The following EPCIP variants were observed in gnomAD, a reference collection of about 807,000 sequenced individuals.
EPCIP encodes exosomal polycystin 1 interacting protein.
At chr21:32,809,140 A>G in the EPCIP span, among the ~76,000 whole-genome samples, 1 of 150,836 alleles carries the variant, frequency 6.6e-6, no homozygotes, top group Non-Finnish European at 1.5e-5. Context: ...CTGGGAAAGG[A>G]GAGGCATCAC....
the EPCIP span, chr21:32,797,063 A>G: frequency 2.1e-6 from 1 of 468,122 alleles, no homozygotes; most frequent in African/African-American, 2.0e-5. Context: ...TCCCGACAGT[A>G]AGGCCCTGGC....
chr21:32,802,528 A>G, the EPCIP span, among the ~76,000 whole-genome samples: 223 of 152,358 alleles, frequency 1.5e-3, 1 homozygote, highest in South Asian at 8.9e-3. Context: ...TAGTCAGGAC[A>G]GTGAATTCTA....
At chr21:32,793,890 C>T in the EPCIP span, 20 of 1,614,014 alleles carry the variant, frequency 1.2e-5, no homozygotes, top group Non-Finnish European at 1.5e-5. Context: ...AAGGCTGAGT[C>T]CCTGTTGAAA....
At chr21:32,804,168 A>G in the EPCIP span, among the ~76,000 whole-genome samples, 1 of 152,158 alleles carries the variant, frequency 6.6e-6, no homozygotes, top group Non-Finnish European at 1.5e-5. Context: ...ACTCACTAGT[A>G]TATAGTTGGA....
the EPCIP span, chr21:32,810,470 C>G: frequency 2.4e-6 from 1 of 409,956 alleles, no homozygotes; most frequent in African/African-American, 2.1e-5. Context: ...ACTGTGTTAG[C>G]TAGGATGGTC....
chr21:32,793,614 G>T, the EPCIP span: 1 of 743,202 alleles, frequency 1.3e-6, no homozygotes, highest in South Asian at 1.6e-5. Flanking sequence ...GCTGGTTATT[G>T]GTATGTGTGG....
the EPCIP span, among the ~76,000 whole-genome samples, chr21:32,791,924 G>A: frequency 2.7e-5 from 4 of 147,516 alleles, no homozygotes; most frequent in African/African-American, 5.0e-5. Context: ...TTTTTTTTGA[G>A]ATGGAGTTTT....
chr21:32,811,027 T>A, the EPCIP span, among the ~76,000 whole-genome samples: 1 of 152,220 alleles, frequency 6.6e-6, no homozygotes, highest in African/African-American at 2.4e-5. Context: ...TCACTAATAG[T>A]AAGATCTAAT....
the EPCIP span, among the ~76,000 whole-genome samples, chr21:32,793,023 G>A: frequency 2.0e-5 from 3 of 151,884 alleles, no homozygotes; most frequent in Non-Finnish European, 4.4e-5. Context: ...GCAGTGGCAC[G>A]ATTTTGGCTC....
At chr21:32,805,605 G>C in the EPCIP span, among the ~76,000 whole-genome samples, 1 of 152,038 alleles carries the variant, frequency 6.6e-6, no homozygotes, top group Admixed American at 6.6e-5. Context: ...CAAGTGATCT[G>C]CCTGCCTCAG....
chr21:32,795,311 A>T, the EPCIP span, among the ~76,000 whole-genome samples: 1 of 152,214 alleles, frequency 6.6e-6, no homozygotes, highest in African/African-American at 2.4e-5. Context: ...TAAGGTAGGG[A>T]TGCATGGGTA....
At chr21:32,813,499 A>G in the EPCIP span, 13 of 446,264 alleles carry the variant, frequency 2.9e-5, no homozygotes, top group Non-Finnish European at 5.7e-5. Context: ...TCCAACCGTC[A>G]CAGTTCCTGC....
At chr21:32,800,440 T>C in the EPCIP span, among the ~76,000 whole-genome samples, 8 of 152,256 alleles carry the variant, frequency 5.3e-5, no homozygotes, top group African/African-American at 1.9e-4. Flanking sequence ...TGATTCTGAA[T>C]AGTAGCTCTG....
chr21:32,809,074 C>G, the EPCIP span, among the ~76,000 whole-genome samples: 24 of 151,798 alleles, frequency 1.6e-4, no homozygotes, highest in African/African-American at 5.8e-4. Flanking sequence ...ACCCAGAGAC[C>G]AGGCATTTCA....
At chr21:32,797,344 G>A in the EPCIP span, 6 of 208,534 alleles carry the variant, frequency 2.9e-5, no homozygotes, top group African/African-American at 1.2e-4. Flanking sequence ...TGCCTCCCAG[G>A]TTCCAACGAT....
At chr21:32,809,338 T>TTCTTTCTTTCTC in the EPCIP span, among the ~76,000 whole-genome samples, 1 of 145,664 alleles carries the variant, frequency 6.9e-6, no homozygotes, top group Non-Finnish European at 1.5e-5. Context: ...CTTTCTTTCT[T>TTCTTTCTTTCTC]TCTTTCCTCT....
chr21:32,795,885 G>C, the EPCIP span, among the ~76,000 whole-genome samples: 1 of 152,186 alleles, frequency 6.6e-6, no homozygotes, highest in Non-Finnish European at 1.5e-5. Context: ...CAGAGGGTGA[G>C]ACATTGATTC....
chr21:32,797,153 G>T, the EPCIP span: 1,285 of 340,666 alleles, frequency 3.8e-3, 25 homozygotes, highest in African/African-American at 0.024. Context: ...AGTGGGGGAA[G>T]GCTCACTAAG....
At chr21:32,794,044 GC>G in the EPCIP span, 1 of 1,614,168 alleles carries the variant, frequency 6.2e-7, no homozygotes, top group Non-Finnish European at 8.5e-7. Context: ...CCATGTTGAT[GC>G]GCAGCCTCTT....
Sources: gnomAD v4.1 joint callset for allele counts (sites outside exome capture counted in the v4.1 genomes callset) on GRCh38, gnomAD v4.1.1 for gene constraint, MANE v1.5 for transcripts, NCBI Gene and HGNC (gene_info 2026-07-23, HGNC 2026-07-21) for gene names.